RIMS2: variants seen among roughly 807,000 people sequenced by gnomAD.
The protein encoded by RIMS2 is regulating synaptic membrane exocytosis 2, also known as regulating synaptic membrane exocytosis protein 2.
In RIMS2, 59 loss-of-function variants were observed where a neutral mutation model predicts 174.4. The ratio of observed to expected loss-of-function variants is 0.34; its 90% CI spans 0.27 to 0.42. The LOEUF is 0.42. Among genes scored for constraint, RIMS2 ranks in the 10% least tolerant of loss-of-function variants. RIMS2 has a pLI of 1.00. For missense variants in RIMS2, 1,620 were observed against 1,666.3 expected (o/e 0.97, Z 0.48); for synonymous variants, 606 against 572.5 (o/e 1.06, Z -0.84).
chr8:103,711,051 G>A (rs575634313), intron 2 of RIMS2, among the ~76,000 whole-genome samples: 2 of 152,276 alleles, frequency 1.3e-5, no homozygotes, highest in East Asian at 1.9e-4. Flanking sequence ...AACTTCAAGG[G>A]CAAAGATTTT....
At chr8:103,539,741 A>AG (rs1315480523) in intron 1 of RIMS2, among the ~76,000 whole-genome samples, 3 of 151,790 alleles carry the variant, frequency 2.0e-5, no homozygotes, top group Non-Finnish European at 4.4e-5. Context: ...TGCTTCAGAA[A>AG]AGGAAATGTC....
At position 104,130,015 on chromosome 8, in the gene RIMS2, TA is replaced by T. The variant is rs2098461743; in HGVS notation, c.3335-114899del. On this transcript the variant is annotated intron_variant, in intron 19 of 23. Coordinates refer to ENST00000504942, the Ensembl canonical transcript of RIMS2. ...TAAATGCAGCTTGAATATTAGTATT[TA>T]ACTATCCTTACGTTACTAGGAGTTT... Among the ~76,000 whole-genome samples, 7 of 152,336 alleles carry T rather than the reference TA, an allele frequency of 4.6e-5. No homozygotes were observed. In the South Asian group the frequency reaches 1.5e-3, roughly 32 times the overall value.
At chr8:104,072,118 C>T (rs1343867335) in intron 19 of RIMS2, among the ~76,000 whole-genome samples, 1 of 152,130 alleles carries the variant, frequency 6.6e-6, no homozygotes. Flanking sequence ...CAAAGCATTT[C>T]TTGATGTGGA....
intron 1 of RIMS2, among the ~76,000 whole-genome samples, chr8:103,621,936 A>G (rs1293726285): frequency 6.6e-6 from 1 of 152,226 alleles, no homozygotes; most frequent in Admixed American, 6.5e-5. Flanking sequence ...TTACTGGGCT[A>G]TGAGGGTAAC....
intron 3 of RIMS2, among the ~76,000 whole-genome samples, chr8:103,834,748 C>A (rs1255411343): frequency 8.7e-6 from 1 of 115,048 alleles, no homozygotes; most frequent in Non-Finnish European, 1.9e-5. Flanking sequence ...TTCTTTCTCT[C>A]TCTTTCTTTT....
chr8:103,709,564 C>T (rs981405084), intron 2 of RIMS2, among the ~76,000 whole-genome samples: 1 of 152,120 alleles, frequency 6.6e-6, no homozygotes, highest in Non-Finnish European at 1.5e-5. Context: ...TAATTATTCT[C>T]CTCTACAGAG....
At chr8:104,005,509 A>G (rs931113268) in intron 17 of RIMS2, among the ~76,000 whole-genome samples, 1 of 152,190 alleles carries the variant, frequency 6.6e-6, no homozygotes, top group African/African-American at 2.4e-5. Flanking sequence ...GTTTATTAAC[A>G]ATGGAGTAAG....
intron 1 of RIMS2, among the ~76,000 whole-genome samples, chr8:103,551,074 G>C (rs532684331): frequency 3.3e-5 from 5 of 152,256 alleles, no homozygotes; most frequent in African/African-American, 1.2e-4. Context: ...TAGAAGAAGA[G>C]GGACTCCTCC....
chr8:103,752,106 C>A (rs1388448305), intron 2 of RIMS2, among the ~76,000 whole-genome samples: 5 of 152,200 alleles, frequency 3.3e-5, no homozygotes, highest in African/African-American at 1.2e-4. Context: ...AGTCTTTCAT[C>A]CATCTTGAAT....
chr8:103,967,851 C>CTTTTT lies in RIMS2; in HGVS notation c.2770+6734_2770+6738dup, dbSNP rs1183741701. 5.8e-4 allele frequency among the ~76,000 whole-genome samples: 64 copies of CTTTTT among 109,562 alleles called. 3 individuals are homozygous for CTTTTT. Among genetic ancestry groups the CTTTTT allele is most frequent in the South Asian group, 1.2e-3 (4 of 3,434 alleles). The allele number at this position is 109,562 out of a possible 152,430, so 71.9% of individuals were successfully genotyped here. On this transcript the variant is annotated intron_variant, in intron 15 of 23. Transcript: ENST00000504942. ...TCTAAAATTAGTGTACCTACTCCTG[C>CTTTTT]TTTTTTTTTTTTTTTTTTTTGAGAC...
At chr8:103,834,336 T>TC (rs1554866385) in intron 3 of RIMS2, among the ~76,000 whole-genome samples, 8 of 147,970 alleles carry the variant, frequency 5.4e-5, no homozygotes, top group African/African-American at 9.9e-5. Flanking sequence ...CTTTTTCTTT[T>TC]TTTTTTTTTT....
At chr8:104,052,974 C>A (rs917783976) in intron 19 of RIMS2, among the ~76,000 whole-genome samples, 3 of 152,102 alleles carry the variant, frequency 2.0e-5, no homozygotes, top group Non-Finnish European at 2.9e-5. Flanking sequence ...AAGTACAGGG[C>A]CAAACAGTTG....
intron 19 of RIMS2, among the ~76,000 whole-genome samples, chr8:104,056,598 T>A (rs1242645492): frequency 6.6e-6 from 1 of 152,162 alleles, no homozygotes; most frequent in African/African-American, 2.4e-5. Flanking sequence ...AAGGTTTTCT[T>A]TAGCTGGGCA....
chr8:104,107,663 A>G (rs2098098654), intron 19 of RIMS2, among the ~76,000 whole-genome samples: 1 of 152,232 alleles, frequency 6.6e-6, no homozygotes, highest in East Asian at 1.9e-4. Flanking sequence ...ATAGTCCAGG[A>G]CAGGCTGGTA....
chr8:103,874,829 G>T (rs539943519), intron 3 of RIMS2, among the ~76,000 whole-genome samples: 2 of 152,076 alleles, frequency 1.3e-5, no homozygotes, highest in East Asian at 3.9e-4. Flanking sequence ...TTTAAAATAT[G>T]ATCAGATCAC....
Position 103,785,546 on chromosome 8 carries a change from G to T in RIMS2, c.698+19009G>T, listed in dbSNP as rs183520235. On this transcript the variant is annotated intron_variant, in intron 3 of 23. Coordinates refer to ENST00000504942, the Ensembl canonical transcript of RIMS2. Reference sequence around the variant, plus strand: ...AGATAATGATGTGGTTTTTGTCTTTGGTTCTGTTTATATGCTGGATTACAT... The same window carrying T: ...AGATAATGATGTGGTTTTTGTCTTTTGTTCTGTTTATATGCTGGATTACAT... Among the ~76,000 whole-genome samples the T allele has an allele frequency of 9.1e-3, 1,388 of 152,206 alleles. 81 individuals are homozygous for T. The highest frequency in any genetic ancestry group is 0.084 in the Admixed American group (1,277 of 15,278).
intron 19 of RIMS2, chr8:104,223,227 G>T (rs572698511): frequency 2.3e-4 from 56 of 244,764 alleles, no homozygotes; most frequent in African/African-American, 1.2e-3. Context: ...GCGCCCCGGA[G>T]CCACCAGCCC....
chr8:103,866,012 A>G (rs190212517), intron 3 of RIMS2, among the ~76,000 whole-genome samples: 40 of 152,274 alleles, frequency 2.6e-4, no homozygotes, highest in African/African-American at 9.6e-4. Context: ...TCAAATAACA[A>G]ATTTCATAAC....
chr8:103,675,766 A>T (rs1025428596), intron 1 of RIMS2, among the ~76,000 whole-genome samples: 3 of 152,144 alleles, frequency 2.0e-5, no homozygotes, highest in African/African-American at 7.2e-5. Context: ...CAGCACATGC[A>T]CATAACACAT....
Sources: allele counts gnomAD v4.1 joint callset (sites outside exome capture counted in the v4.1 genomes callset), GRCh38; gene constraint gnomAD v4.1.1; transcripts MANE v1.5; gene names NCBI Gene and HGNC (gene_info 2026-07-23, HGNC 2026-07-21).